The following ADAMTS6 variants were observed in gnomAD, a reference collection of about 807,000 sequenced individuals.
ADAMTS6 encodes ADAM metallopeptidase with thrombospondin type 1 motif 6, also known as A disintegrin and metalloproteinase with thrombospondin motifs 6.
Under a neutral mutation model 144.3 loss-of-function variants are expected in ADAMTS6, and 23 were observed. The observed-to-expected ratio is 0.16, with a 90% CI of 0.11 to 0.23. The LOEUF (loss-of-function observed/expected upper bound fraction) is 0.23. Among genes scored for constraint, ADAMTS6 ranks in the 10% least tolerant of loss-of-function variants. The probability of loss-of-function intolerance (pLI) is 1.00; values close to 1 mark genes in which losing one functional copy is unlikely to be tolerated. For synonymous variants in ADAMTS6, 444 were observed against 457.5 expected, an observed-to-expected ratio of 0.97 and a Z score of 0.38; for missense variants, 999 against 1,379.6, an observed-to-expected ratio of 0.72 and a Z score of 4.37.
At chr5:65,174,623 C>T (rs937762570) in intron 22 of ADAMTS6, among the ~76,000 whole-genome samples, 17 of 152,140 alleles carry the variant, frequency 1.1e-4, no homozygotes, top group Non-Finnish European at 1.8e-4. Flanking sequence ...CCTGATCACC[C>T]ACGGTCTGCC....
intron 9 of ADAMTS6, among the ~76,000 whole-genome samples, chr5:65,322,932 G>C (rs1745767039): frequency 6.6e-6 from 1 of 152,148 alleles, no homozygotes; most frequent in African/African-American, 2.4e-5. Flanking sequence ...CAGGAGTGGT[G>C]AGAGAGGGCA....
chr5:65,448,451 T>G (rs1182521937), intron 7 of ADAMTS6, among the ~76,000 whole-genome samples: 1 of 136,586 alleles, frequency 7.3e-6, no homozygotes, highest in Non-Finnish European at 1.5e-5. Context: ...ATATCCATCA[T>G]TTTTCCTCTG....
At chr5:65,428,047 G>A (rs1421658347) in intron 7 of ADAMTS6, among the ~76,000 whole-genome samples, 2 of 151,708 alleles carry the variant, frequency 1.3e-5, no homozygotes, top group Non-Finnish European at 2.9e-5. Flanking sequence ...CCAACATGGT[G>A]AAAGCCCGTC....
At chr5:65,334,913 A>AAAAT (rs1388210586) in intron 7 of ADAMTS6, among the ~76,000 whole-genome samples, 1 of 152,192 alleles carries the variant, frequency 6.6e-6, no homozygotes, top group Non-Finnish European at 1.5e-5. Context: ...GTGAGAGTAA[A>AAAAT]AAATAAATGT....
intron 20 of ADAMTS6, among the ~76,000 whole-genome samples, chr5:65,200,469 C>A (rs192677532): frequency 2.0e-3 from 306 of 152,210 alleles, no homozygotes; most frequent in Non-Finnish European, 2.6e-3. Flanking sequence ...TGATTTTAAA[C>A]CCGGTTGGGA....
intron 3 of ADAMTS6, among the ~76,000 whole-genome samples, chr5:65,468,484 A>T (rs911741363): frequency 6.6e-6 from 1 of 151,964 alleles, no homozygotes; most frequent in Non-Finnish European, 1.5e-5. Flanking sequence ...ATGAAGATAA[A>T]GTTTACTAAA....
At position 65,189,331 on chromosome 5, in the gene ADAMTS6, T is replaced by G. The variant is rs151237243; in HGVS notation, c.2706-1111A>C. The stretch of plus-strand genomic sequence containing the variant: ...TGATCTAAATCAGATCAATGAGAAT[T>G]CTGGTTTAGAATTTTTATATCTCAA... On this transcript the variant is annotated intron_variant, in intron 21 of 24. Transcript: ENST00000381055. Among the ~76,000 whole-genome samples, 55 of 152,326 alleles carry G rather than the reference T, an allele frequency of 3.6e-4. 2 individuals carry two copies. In the East Asian group the frequency reaches 0.01, roughly 28 times the overall value.
At position 65,249,463 on chromosome 5, in the gene ADAMTS6, A is replaced by C. The variant is rs115980409; in HGVS notation, c.1831-7257T>G. ...ATCATGAGAAAGGGGCCAGCCTATT[A>C]AGTTCTAGGATGAAGGTTAAACACT... On this transcript the variant is annotated intron_variant, in intron 14 of 24. Transcript: ENST00000381055. 3.4e-3 allele frequency among the ~76,000 whole-genome samples: 521 copies of C among 152,228 alleles called. 3 individuals are homozygous for C. The highest frequency in any genetic ancestry group is 0.012 in the African/African-American group (498 of 41,540).
intron 24 of ADAMTS6, among the ~76,000 whole-genome samples, chr5:65,167,438 G>A (rs928444061): frequency 2.0e-5 from 3 of 152,090 alleles, no homozygotes; most frequent in Non-Finnish European, 4.4e-5. Flanking sequence ...ATTCACAGCC[G>A]AATTCTACCA....
chr5:65,155,826 T>A (rs1002061477), intron 24 of ADAMTS6, among the ~76,000 whole-genome samples: 12 of 152,216 alleles, frequency 7.9e-5, no homozygotes, highest in African/African-American at 2.7e-4. Flanking sequence ...ACTTGGAGCA[T>A]CATAGTCAGG....
At chr5:65,472,587 A>C (rs1760547128) in intron 2 of ADAMTS6, among the ~76,000 whole-genome samples, 1 of 152,314 alleles carries the variant, frequency 6.6e-6, no homozygotes, top group South Asian at 2.1e-4. Context: ...TAGATGTACT[A>C]AACATTTTCC....
chr5:65,465,288 A>C (rs1405426570), intron 3 of ADAMTS6, among the ~76,000 whole-genome samples: 1 of 152,126 alleles, frequency 6.6e-6, no homozygotes, highest in Non-Finnish European at 1.5e-5. Flanking sequence ...TCCTACAATC[A>C]CAAATACCCA....
At chr5:65,259,081 G>A (rs2112582552) in intron 14 of ADAMTS6, among the ~76,000 whole-genome samples, 1 of 152,248 alleles carries the variant, frequency 6.6e-6, no homozygotes, top group South Asian at 2.1e-4. Context: ...AGCTGGCCGG[G>A]CATGATGGCT....
At chr5:65,263,849 A>G (rs1333977896) in intron 12 of ADAMTS6, among the ~76,000 whole-genome samples, 3 of 152,238 alleles carry the variant, frequency 2.0e-5, no homozygotes, top group Admixed American at 6.5e-5. Context: ...TCATTTGTTT[A>G]TATGAATAAC....
In ADAMTS6 at chr5:65,260,644, A is replaced by G. The variant is rs753230538; in HGVS notation, c.1786T>C (p.Tyr596His). The change falls in exon 14 of 25, where the codon TAT becomes CAT. Residue 596 changes from tyrosine (Y) to histidine (H), a missense_variant. By Grantham distance (83) the Tyr-to-His change is moderately conservative. Transcript: ENST00000381055. The part of the protein sequence containing the change: ...DSPAPSGGGK[Y>H]CLGERKRYRS... ...TACCGTTTCCTTTCCCCAAGGCAAT[A>G]TTTTCCACCTCCTGAAGGTCTGAAA... 1.9e-6 allele frequency: 3 copies of G among 1,613,372 alleles called. No individual in the cohort carries two copies. In the African/African-American group the frequency reaches 4.0e-5, roughly 22 times the overall value.
intron 24 of ADAMTS6, among the ~76,000 whole-genome samples, chr5:65,153,896 AC>A (rs1216730191): frequency 1.3e-5 from 2 of 152,050 alleles, no homozygotes; most frequent in Non-Finnish European, 2.9e-5. Context: ...CTGCCTACCC[AC>A]CCACCCATTA....
At chr5:65,432,522 TCA>T (rs200225081) in intron 7 of ADAMTS6, among the ~76,000 whole-genome samples, 2 of 151,688 alleles carry the variant, frequency 1.3e-5, no homozygotes, top group South Asian at 2.1e-4. Flanking sequence ...TAGCACTTAA[TCA>T]CACACACACA....
chr5:65,334,206 A>G, intron 7 of ADAMTS6, 121 bp from the exon 8 acceptor site: 1 of 1,135,994 alleles, frequency 8.8e-7, no homozygotes, highest in Non-Finnish European at 1.2e-6. Context: ...TGAGCAATCA[A>G]CTGGAGTGTC....
chr5:65,265,520 C>T (rs1761546253), intron 12 of ADAMTS6, among the ~76,000 whole-genome samples: 1 of 151,820 alleles, frequency 6.6e-6, no homozygotes, highest in Non-Finnish European at 1.5e-5. Flanking sequence ...TATGTTTGCA[C>T]CCAGTTTTCC....
Sources: gnomAD v4.1 joint callset for allele counts (sites outside exome capture counted in the v4.1 genomes callset) on GRCh38, gnomAD v4.1.1 for gene constraint, MANE v1.5 for transcripts, NCBI Gene and HGNC (gene_info 2026-07-23, HGNC 2026-07-21) for gene names.